ATG7: variants seen among roughly 807,000 people sequenced by gnomAD.
The protein encoded by ATG7 is autophagy related 7, also known as ubiquitin-like modifier-activating enzyme ATG7.
In ATG7, 70 loss-of-function variants were observed where a neutral mutation model predicts 82.4. The ratio of observed to expected loss-of-function variants is 0.85; its 90% CI spans 0.70 to 1.04. The LOEUF is 1.04. Among genes scored for constraint, ATG7 ranks in the 50% least tolerant of loss-of-function variants. The pLI is 0.00. For missense variants in ATG7, 792 were observed against 864.3 expected, an observed-to-expected ratio of 0.92 and a Z score of 1.05; for synonymous variants, 287 against 313.0, an observed-to-expected ratio of 0.92 and a Z score of 0.88.
intron 20 of ATG7, among the ~76,000 whole-genome samples, chr3:11,514,287 T>C (rs912505039): frequency 2.6e-5 from 4 of 152,194 alleles, no homozygotes; most frequent in African/African-American, 9.7e-5. Flanking sequence ...AAGCAAACTG[T>C]TTTCCTTCCC....
chr3:11,365,562 T>C (rs2076547023), intron 18 of ATG7, among the ~76,000 whole-genome samples: 1 of 152,326 alleles, frequency 6.6e-6, no homozygotes, highest in East Asian at 1.9e-4. Flanking sequence ...GTGACTGCTG[T>C]TCCCATCAGT....
At chr3:11,406,526 T>G (rs1244925417) in intron 19 of ATG7, among the ~76,000 whole-genome samples, 1 of 152,194 alleles carries the variant, frequency 6.6e-6, no homozygotes, top group Non-Finnish European at 1.5e-5. Flanking sequence ...CAGGCTGGCC[T>G]TGAACTCATG....
At chr3:11,492,170 C>T (rs564680989) in intron 20 of ATG7, among the ~76,000 whole-genome samples, 15 of 152,316 alleles carry the variant, frequency 9.8e-5, no homozygotes, top group East Asian at 9.7e-4. Flanking sequence ...CCTGGTGCGC[C>T]GTTTTTAAAG....
chr3:11,436,623 T>C (rs1313397833), intron 20 of ATG7, among the ~76,000 whole-genome samples: 1 of 152,260 alleles, frequency 6.6e-6, no homozygotes, highest in Non-Finnish European at 1.5e-5. Context: ...CCTAACACTA[T>C]TATTTATTCA....
intron 20 of ATG7, chr3:11,446,525 T>A (rs1170966498): frequency 4.5e-6 from 2 of 446,226 alleles, no homozygotes; most frequent in Admixed American, 5.0e-5. Context: ...GAAGATTTTC[T>A]TACATTGATA....
At chr3:11,446,719 C>T (rs1277637966) in intron 20 of ATG7, 2 of 235,782 alleles carry the variant, frequency 8.5e-6, no homozygotes, top group Non-Finnish European at 1.7e-5. Flanking sequence ...AGGGACTCAA[C>T]CTCTAAATCC....
intron 9 of ATG7, among the ~76,000 whole-genome samples, chr3:11,319,470 T>C (rs536854824): frequency 2.0e-5 from 3 of 152,326 alleles, no homozygotes; most frequent in Non-Finnish European, 4.4e-5. Context: ...TGGAGAAATG[T>C]TGGAATCCCT....
chr3:11,571,419 C>G, the ATG7 span, among the ~76,000 whole-genome samples: 2 of 152,234 alleles, frequency 1.3e-5, no homozygotes, highest in African/African-American at 4.8e-5. Flanking sequence ...TGCAGTGACT[C>G]ACGCCTGTAA....
In ATG7 at chr3:11,511,040, G is replaced by A. The variant is rs2092025813; in HGVS notation, c.2080-43771G>A. On this transcript the variant is annotated intron_variant, in intron 20 of 20. Transcript: ENST00000693202. Reference sequence around the variant, plus strand: ...CTTCTGGTGGGTTCGTGGTCTCGCTGGCTCGGGAGTGAAGCTGCAGACCTT... The same window carrying A: ...CTTCTGGTGGGTTCGTGGTCTCGCTAGCTCGGGAGTGAAGCTGCAGACCTT... 2.0e-5 allele frequency among the ~76,000 whole-genome samples: 3 copies of A among 152,288 alleles called. No homozygotes were observed. In the South Asian group the frequency reaches 6.2e-4, roughly 32 times the overall value.
chr3:11,542,026 C>G (rs529679481), intron 20 of ATG7, among the ~76,000 whole-genome samples: 2 of 152,246 alleles, frequency 1.3e-5, no homozygotes, highest in African/African-American at 4.8e-5. Context: ...GGCAAACAAG[C>G]CTGGGGCCCG....
intron 20 of ATG7, among the ~76,000 whole-genome samples, chr3:11,516,903 T>C (rs9882513): frequency 0.28 from 43,186 of 151,848 alleles, 7,268 homozygotes; most frequent in African/African-American, 0.47. Flanking sequence ...GCCAACATGA[T>C]GAAACCCCGT....
chr3:11,491,047 A>G (rs1216745968), intron 20 of ATG7, among the ~76,000 whole-genome samples: 4 of 152,150 alleles, frequency 2.6e-5, no homozygotes, highest in Non-Finnish European at 5.9e-5. Context: ...ATTTCTCCTG[A>G]ATAATATCCT....
In ATG7 at chr3:11,485,870, C is replaced by T. The variant is rs2089570172; in HGVS notation, c.2079+58944C>T. Among the ~76,000 whole-genome samples, 2 of 152,034 alleles carry T rather than the reference C, an allele frequency of 1.3e-5. 1 individual carries two copies. Among genetic ancestry groups the T allele is most frequent in the South Asian group, 4.2e-4 (2 of 4,816 alleles). On this transcript the variant is annotated intron_variant, in intron 20 of 20. Transcript: ENST00000693202. ...TAGTTGTAGATATGCGACGTTATTT[C>T]TGAGGGCTCTGTTCTGTTCCATTGA... is the stretch of plus-strand genomic sequence containing the variant.
chr3:11,286,273 T>A (rs1414225579), intron 3 of ATG7, among the ~76,000 whole-genome samples: 1 of 152,242 alleles, frequency 6.6e-6, no homozygotes, highest in Non-Finnish European at 1.5e-5. Context: ...TATTCTTGAC[T>A]ACTTTCATAT....
intron 3 of ATG7, 77 bp from the exon 4 acceptor site, chr3:11,298,609 T>G (rs1946311041): frequency 7.1e-7 from 1 of 1,415,162 alleles, no homozygotes; most frequent in African/African-American, 1.4e-5. Context: ...TGAATTAAAC[T>G]TTATTACAAA....
At chr3:11,335,325 GGAA>G (rs1190377542) in intron 11 of ATG7, among the ~76,000 whole-genome samples, 4 of 152,108 alleles carry the variant, frequency 2.6e-5, no homozygotes, top group South Asian at 2.1e-4. Flanking sequence ...GGGCCACACT[GGAA>G]GAAGAATTGT....
intron 13 of ATG7, among the ~76,000 whole-genome samples, chr3:11,343,833 A>G (rs1954058337): frequency 6.6e-6 from 1 of 151,972 alleles, no homozygotes; most frequent in African/African-American, 2.4e-5. Context: ...TCATTGATCT[A>G]TTTTTTTATT....
intron 20 of ATG7, among the ~76,000 whole-genome samples, chr3:11,543,029 C>G (rs560140607): frequency 6.6e-6 from 1 of 152,206 alleles, no homozygotes; most frequent in African/African-American, 2.4e-5. Context: ...TGCTGCCCCC[C>G]TCCCTGGAGG....
chr3:11,323,007 GA>G (rs1186763241), intron 9 of ATG7, among the ~76,000 whole-genome samples: 1 of 152,206 alleles, frequency 6.6e-6, no homozygotes, highest in Non-Finnish European at 1.5e-5. Flanking sequence ...GCTGAGGCAG[GA>G]AGATTCCTTG....
Sources: allele counts gnomAD v4.1 joint callset (sites outside exome capture counted in the v4.1 genomes callset), GRCh38; gene constraint gnomAD v4.1.1; transcripts MANE v1.5; gene names NCBI Gene and HGNC (gene_info 2026-07-23, HGNC 2026-07-21).